Variants in CCDC73 observed in about 807,000 individuals in gnomAD.
The protein encoded by CCDC73 is coiled-coil domain-containing protein 73.
CCDC73 carries 95 observed loss-of-function variants against 116.5 expected under a neutral mutation model. The observed-to-expected ratio is 0.82, with a 90% CI of 0.69 to 0.97. The LOEUF is 0.97. CCDC73 is among the 50% of genes least tolerant of loss of function. The pLI, the probability that CCDC73 is intolerant of heterozygous loss-of-function variation, is 0.00. For missense variants in CCDC73, 1,066 were observed against 1,206.8 expected (o/e 0.88, Z 1.73); for synonymous variants, 398 against 401.3 (o/e 0.99, Z 0.10).
chr11:32,762,196 G>C (rs1850398103), intron 1 of CCDC73, among the ~76,000 whole-genome samples: 2 of 151,892 alleles, frequency 1.3e-5, no homozygotes, highest in African/African-American at 4.8e-5. Flanking sequence ...AAAATGATGA[G>C]ATATGTTATT....
the CCDC73 span, among the ~76,000 whole-genome samples, chr11:32,807,321 C>A: frequency 6.6e-6 from 1 of 152,184 alleles, no homozygotes; most frequent in African/African-American, 2.4e-5. Context: ...TTTCGGCCTG[C>A]ACCACTAACC....
At chr11:32,772,507 G>A (rs905258539) in intron 1 of CCDC73, among the ~76,000 whole-genome samples, 1 of 152,104 alleles carries the variant, frequency 6.6e-6, no homozygotes, top group African/African-American at 2.4e-5. Context: ...ATAGTATATT[G>A]AGATAATATT....
chr11:32,631,669 G>A (rs1173909182), intron 14 of CCDC73, among the ~76,000 whole-genome samples: 1 of 151,808 alleles, frequency 6.6e-6, no homozygotes, highest in African/African-American at 2.4e-5. Context: ...AGGAAGGAAG[G>A]AAAGGAAGAA....
chr11:32,758,680 A>G (rs1038121511), intron 2 of CCDC73: 1 of 230,922 alleles, frequency 4.3e-6, no homozygotes, highest in South Asian at 5.9e-5. Flanking sequence ...CTAATCTGAA[A>G]TTTTTCAGAA....
At chr11:32,662,134 G>A (rs985262319) in intron 9 of CCDC73, among the ~76,000 whole-genome samples, 1 of 152,176 alleles carries the variant, frequency 6.6e-6, no homozygotes, top group African/African-American at 2.4e-5. Flanking sequence ...GAATAGTGCT[G>A]CAATAAACAT....
chr11:32,753,636 T>TTG (rs1243382828), intron 2 of CCDC73, among the ~76,000 whole-genome samples: 5 of 152,136 alleles, frequency 3.3e-5, no homozygotes, highest in African/African-American at 1.2e-4. Context: ...AGCTAATTTT[T>TTG]TGTATTTTTA....
intron 7 of CCDC73, among the ~76,000 whole-genome samples, chr11:32,677,858 A>G (rs1198663765): frequency 6.7e-6 from 1 of 150,004 alleles, no homozygotes; most frequent in Non-Finnish European, 1.5e-5. Context: ...AGGCTGAGAC[A>G]GGAGAATCAT....
At position 32,695,068 on chromosome 11, in the gene CCDC73, G is replaced by A. The variant is rs537629348; in HGVS notation, c.390+4183C>T. Among the ~76,000 whole-genome samples, 5 of 152,252 alleles carry A rather than the reference G, an allele frequency of 3.3e-5. No individual in the cohort carries two copies. The South Asian group carries it at 1.0e-3, about 32-fold the overall frequency. On this transcript the variant is annotated intron_variant, in intron 6 of 17. Coordinates refer to ENST00000335185, the MANE Select transcript of CCDC73 (RefSeq NM_001008391.4). ...TGTTTTAGAATTTATGGTGTATAAT[G>A]TTTTTAAAAGAGCTTGCTGTCCGGG... is the stretch of plus-strand genomic sequence containing the variant.
At chr11:32,654,728 T>C in intron 10 of CCDC73, 116 bp downstream of exon 10, 1 of 755,872 alleles carries the variant, frequency 1.3e-6, no homozygotes, top group Non-Finnish European at 2.0e-6. Flanking sequence ...TAATAATACC[T>C]TTAACTATGC....
intron 9 of CCDC73, among the ~76,000 whole-genome samples, chr11:32,666,035 A>C (rs1300735875): frequency 6.6e-6 from 1 of 152,220 alleles, no homozygotes; most frequent in East Asian, 1.9e-4. Context: ...ATCTGCTGTT[A>C]GTCTGATGGG....
intron 6 of CCDC73, among the ~76,000 whole-genome samples, chr11:32,689,949 C>T (rs866597789): frequency 5.3e-5 from 8 of 152,126 alleles, no homozygotes; most frequent in Middle Eastern, 3.4e-3. Flanking sequence ...GAACCAAGAT[C>T]GCGCCACTGC....
intron 9 of CCDC73, among the ~76,000 whole-genome samples, chr11:32,659,097 AT>A: frequency 6.6e-6 from 1 of 152,340 alleles, no homozygotes; most frequent in South Asian, 2.1e-4. Flanking sequence ...CTTCATTTAC[AT>A]TTTTTTCAAA....
chr11:32,705,414 G>C (rs953604491), intron 3 of CCDC73, among the ~76,000 whole-genome samples: 5 of 152,184 alleles, frequency 3.3e-5, no homozygotes, highest in African/African-American at 1.2e-4. Flanking sequence ...GGTGCCTGCA[G>C]TGGAAGCCAC....
At chr11:32,646,404 T>C (rs11031919) in intron 12 of CCDC73, among the ~76,000 whole-genome samples, 1,576 of 152,348 alleles carry the variant, frequency 0.01, 26 homozygotes, top group African/African-American at 0.036. Context: ...AAAGGAGGCA[T>C]AGGGTGGTAA....
chr11:32,743,114 G>C (rs1200900954), intron 2 of CCDC73, among the ~76,000 whole-genome samples: 3 of 152,104 alleles, frequency 2.0e-5, no homozygotes, highest in African/African-American at 7.2e-5. Flanking sequence ...TGTTCTTCTT[G>C]CCCAGGATTG....
At chr11:32,685,915 T>A (rs1473034640) in intron 6 of CCDC73, among the ~76,000 whole-genome samples, 3 of 151,464 alleles carry the variant, frequency 2.0e-5, no homozygotes, top group Non-Finnish European at 4.4e-5. Flanking sequence ...AGAGACAGGG[T>A]TTCACCATGT....
chr11:32,683,679 T>C lies in CCDC73; in HGVS notation c.391-105A>G. On this transcript the variant is annotated intron_variant, in intron 6 of 17. Transcript: ENST00000335185. The stretch of plus-strand genomic sequence containing the variant: ...TATAAAATGTGGCATGTATCTTCTA[T>C]GTACCATTATTGATTTATTCAACAC... 3 of 655,684 alleles carry C rather than the reference T, an allele frequency of 4.6e-6. No individual in the cohort carries two copies. The South Asian group carries it at 5.4e-5, about 12-fold the overall frequency. The allele number at this position is 655,684 out of a possible 1,614,324, so 40.6% of individuals were successfully genotyped here.
chr11:32,761,778 C>CAG (rs752428350), intron 1 of CCDC73, among the ~76,000 whole-genome samples: 2 of 151,904 alleles, frequency 1.3e-5, no homozygotes, highest in Non-Finnish European at 1.5e-5. Context: ...CACACACACG[C>CAG]AGAGAGAGAG....
intron 2 of CCDC73, among the ~76,000 whole-genome samples, chr11:32,747,964 C>A (rs1444942261): frequency 1.3e-5 from 2 of 152,222 alleles, no homozygotes; most frequent in African/African-American, 4.8e-5. Flanking sequence ...CACTGTCCAA[C>A]CAGTCCCAAC....
Sources: gnomAD v4.1 joint callset for allele counts (sites outside exome capture counted in the v4.1 genomes callset) on GRCh38, gnomAD v4.1.1 for gene constraint, MANE v1.5 for transcripts, NCBI Gene and HGNC (gene_info 2026-07-23, HGNC 2026-07-21) for gene names.